The following GPHN variants were observed in gnomAD, a reference collection of about 807,000 sequenced individuals.
The protein encoded by GPHN is gephyrin.
In GPHN, 17 loss-of-function variants were observed where a neutral mutation model predicts 95.5. The observed-to-expected ratio is 0.18, with a 90% CI of 0.12 to 0.27. The LOEUF (loss-of-function observed/expected upper bound fraction) is 0.27, where lower values mean the gene tolerates loss of function less well. Ranked by LOEUF, GPHN falls within the 10% of genes least tolerant of loss-of-function variation. The pLI, the probability that GPHN is intolerant of heterozygous loss-of-function variation, is 1.00. For missense variants in GPHN, 660 were observed against 978.1 expected (o/e 0.67, Z 4.34); for synonymous variants, 320 against 322.5 (o/e 0.99, Z 0.08).
At chr14:67,391,268 G>GGT in the GPHN span, among the ~76,000 whole-genome samples, 17 of 141,486 alleles carry the variant, frequency 1.2e-4, no homozygotes, top group Admixed American at 1.1e-3. Flanking sequence ...GTAAGCAGCT[G>GGT]ATATGTGTGT....
At chr14:67,698,971 C>A in the GPHN span, among the ~76,000 whole-genome samples, 1 of 152,142 alleles carries the variant, frequency 6.6e-6, no homozygotes, top group Non-Finnish European at 1.5e-5. Context: ...GATAAAAGGG[C>A]CAGGCATGTT....
At chr14:66,896,448 C>T (rs187996429) in intron 5 of GPHN, among the ~76,000 whole-genome samples, 1 of 151,904 alleles carries the variant, frequency 6.6e-6, no homozygotes, top group East Asian at 1.9e-4. Flanking sequence ...GCAAAACTCT[C>T]TTTACAAAAA....
At chr14:67,079,603 TC>T (rs1009501067) in intron 11 of GPHN, among the ~76,000 whole-genome samples, 1 of 125,592 alleles carries the variant, frequency 8.0e-6, no homozygotes, top group African/African-American at 4.8e-5. Flanking sequence ...AGTAATTCAT[TC>T]CTTTGTTGTG....
intron 1 of GPHN, among the ~76,000 whole-genome samples, chr14:66,589,931 TA>T (rs2061572341): frequency 6.6e-6 from 1 of 152,132 alleles, no homozygotes; most frequent in South Asian, 2.1e-4. Flanking sequence ...ATAGTGGAAG[TA>T]AAACACTCTT....
At chr14:67,100,653 A>G (rs941572237) in intron 12 of GPHN, among the ~76,000 whole-genome samples, 8 of 152,242 alleles carry the variant, frequency 5.3e-5, no homozygotes, top group African/African-American at 9.6e-5. Flanking sequence ...GACCACTTCT[A>G]TCAGTGCATG....
In GPHN at chr14:66,977,275, C is replaced by CA. The variant is rs547682141; in HGVS notation, c.963+11956dup. 6.5e-4 allele frequency among the ~76,000 whole-genome samples: 99 copies of CA among 151,984 alleles called. 1 individual carries two copies. Among genetic ancestry groups the CA allele is most frequent in the African/African-American group, 2.2e-3 (93 of 41,466 alleles). Reference sequence around the variant, plus strand: ...AGAAACCCTGTCTCTGCTAAAAATACAAAAAATTAGCTGGGCATGGTGGTG... The same window carrying CA: ...AGAAACCCTGTCTCTGCTAAAAATACAAAAAAATTAGCTGGGCATGGTGGTG... On this transcript the variant is annotated intron_variant, in intron 9 of 22. Transcript: ENST00000478722.
chr14:67,515,097 C>G, the GPHN span: 1 of 152,326 alleles, frequency 6.6e-6, no homozygotes, highest in African/African-American at 2.4e-5. Context: ...GGTGCGGGGC[C>G]GGGGCCGTGG....
rs568455996 is a variant in GPHN at position 66,801,150 on chromosome 14, C to A, written c.202-23324C>A. On this transcript the variant is annotated intron_variant, in intron 3 of 22. Coordinates refer to ENST00000478722, the MANE Select transcript of GPHN (RefSeq NM_020806.5). ...TTATTCAACACAGCTATTTTGTATT[C>A]TTTGTCTCAGTGGCCACATATCTCT... Among the ~76,000 whole-genome samples, 11 of 152,048 alleles carry A rather than the reference C, an allele frequency of 7.2e-5. No individual in the cohort carries two copies. In the East Asian group the frequency reaches 2.1e-3, roughly 29 times the overall value.
chr14:66,845,997 A>G (rs147853790), intron 4 of GPHN, among the ~76,000 whole-genome samples: 287 of 152,206 alleles, frequency 1.9e-3, no homozygotes, highest in African/African-American at 6.8e-3. Context: ...AAGAGAATTG[A>G]CCCTTGTCTT....
chr14:67,524,922 G>A, the GPHN span, among the ~76,000 whole-genome samples: 5 of 152,260 alleles, frequency 3.3e-5, no homozygotes, highest in East Asian at 1.9e-4. Context: ...AACTCAAAAC[G>A]TTGGCATTAA....
chr14:66,802,874 TG>T (rs2060410311), intron 3 of GPHN, among the ~76,000 whole-genome samples: 1 of 152,092 alleles, frequency 6.6e-6, no homozygotes, highest in Non-Finnish European at 1.5e-5. Flanking sequence ...CTCAAGTGGA[TG>T]GAAGTGTCTC....
the GPHN span, among the ~76,000 whole-genome samples, chr14:67,491,240 T>C: frequency 2.6e-5 from 4 of 152,184 alleles, no homozygotes; most frequent in South Asian, 2.1e-4. Flanking sequence ...ATGGATAGGG[T>C]GACGTATTGG....
chr14:66,669,318 C>A (rs539155299), intron 1 of GPHN, among the ~76,000 whole-genome samples: 1 of 149,382 alleles, frequency 6.7e-6, no homozygotes, highest in Non-Finnish European at 1.5e-5. Context: ...GAGCCGAGAT[C>A]GTGCCATTGC....
At chr14:67,226,840 G>T in the GPHN span, among the ~76,000 whole-genome samples, 1 of 152,150 alleles carries the variant, frequency 6.6e-6, no homozygotes, top group Admixed American at 6.5e-5. Context: ...CCTTAAGAAT[G>T]CTCCTAATAT....
chr14:66,869,110 T>C lies in GPHN; in HGVS notation c.295-10829T>C, dbSNP rs1292018984. On this transcript the variant is annotated intron_variant, in intron 4 of 22. Transcript: ENST00000478722. ...TCTTTCAAGGAATAAAAGAATCTGG[T>C]AATCAAATTAATAATGTATAAGAGG... Among the ~76,000 whole-genome samples, 3 of 152,344 alleles carry C rather than the reference T, an allele frequency of 2.0e-5. No individual in the cohort carries two copies. In the East Asian group the frequency reaches 5.8e-4, roughly 29 times the overall value.
At chr14:66,979,264 C>G (rs1419469073) in intron 9 of GPHN, among the ~76,000 whole-genome samples, 2 of 152,224 alleles carry the variant, frequency 1.3e-5, no homozygotes, top group Admixed American at 1.3e-4. Context: ...CTTCACCTCT[C>G]TAGCAATGAA....
chr14:67,052,339 CAA>C (rs562739946), intron 10 of GPHN, among the ~76,000 whole-genome samples: 11 of 119,772 alleles, frequency 9.2e-5, no homozygotes, highest in Non-Finnish European at 9.2e-5. Flanking sequence ...GACATTAAAC[CAA>C]AAAAAAAAAA....
chr14:66,744,194 GAGTT>G (rs1266582569), intron 2 of GPHN, among the ~76,000 whole-genome samples: 1 of 152,112 alleles, frequency 6.6e-6, no homozygotes, highest in African/African-American at 2.4e-5. Flanking sequence ...TGCCTATTCT[GAGTT>G]ACTCTATTAC....
At chr14:67,010,356 C>G (rs1284126092) in intron 9 of GPHN, among the ~76,000 whole-genome samples, 1 of 151,418 alleles carries the variant, frequency 6.6e-6, no homozygotes, top group Non-Finnish European at 1.5e-5. Flanking sequence ...CGAGACCATC[C>G]TGGCCAACAC....
Sources: allele counts gnomAD v4.1 joint callset (sites outside exome capture counted in the v4.1 genomes callset), GRCh38; gene constraint gnomAD v4.1.1; transcripts MANE v1.5; gene names NCBI Gene and HGNC (gene_info 2026-07-23, HGNC 2026-07-21).